RNF6: variants seen among roughly 807,000 people sequenced by gnomAD.
RNF6 encodes ring finger protein 6, also known as E3 ubiquitin-protein ligase RNF6.
A neutral mutation model predicts 50.1 loss-of-function variants in RNF6; 21 were observed. That is an observed-to-expected ratio of 0.42 (90% CI 0.30 to 0.60). The LOEUF (loss-of-function observed/expected upper bound fraction) is 0.60, where lower values mean the gene tolerates loss of function less well. Among genes scored for constraint, RNF6 ranks in the 20% least tolerant of loss-of-function variants. RNF6 has a pLI of 0.20. For missense variants in RNF6, 698 were observed against 838.2 expected, an observed-to-expected ratio of 0.83 and a Z score of 2.07; for synonymous variants, 255 against 291.8, an observed-to-expected ratio of 0.87 and a Z score of 1.29.
intron 5 of RNF6, among the ~76,000 whole-genome samples, chr13:26,187,256 T>C (rs1873597705): frequency 6.6e-6 from 1 of 151,884 alleles, no homozygotes; most frequent in Non-Finnish European, 1.5e-5. Context: ...GGGAACCTGA[T>C]AGGAGACGAA....
At chr13:26,203,907 C>G (rs1333894982) in intron 5 of RNF6, among the ~76,000 whole-genome samples, 1 of 151,986 alleles carries the variant, frequency 6.6e-6, no homozygotes, top group Non-Finnish European at 1.5e-5. Flanking sequence ...GAGCCCAGAT[C>G]GCGCCACTGC....
chr13:26,144,852 C>A (rs186473244), intron 5 of RNF6: 1 of 152,208 alleles, frequency 6.6e-6, no homozygotes, highest in African/African-American at 2.4e-5. Context: ...TGCTTCAGGG[C>A]CTGCTTGGCC....
At chr13:26,171,946 C>T (rs905990636) in intron 5 of RNF6, among the ~76,000 whole-genome samples, 1 of 152,064 alleles carries the variant, frequency 6.6e-6, no homozygotes, top group African/African-American at 2.4e-5. Flanking sequence ...TGCAAAGTTT[C>T]TGTTTGGGAT....
At chr13:26,161,712 C>A (rs1872222814) in intron 5 of RNF6, among the ~76,000 whole-genome samples, 1 of 152,128 alleles carries the variant, frequency 6.6e-6, no homozygotes, top group South Asian at 2.1e-4. Flanking sequence ...TATGTTTGAG[C>A]AGTTTGTGTT....
At chr13:26,141,638 C>G (rs1566404575) in intron 5 of RNF6, among the ~76,000 whole-genome samples, 1 of 152,026 alleles carries the variant, frequency 6.6e-6, no homozygotes, top group African/African-American at 2.4e-5. Flanking sequence ...GGAAAGAACT[C>G]TCTATTCAGT....
At chr13:26,182,021 A>T (rs1873267162) in intron 5 of RNF6, among the ~76,000 whole-genome samples, 4 of 152,302 alleles carry the variant, frequency 2.6e-5, no homozygotes, top group South Asian at 2.1e-4. Context: ...CCATATTTCT[A>T]AAAAAATCTT....
intron 2 of RNF6, 78 bp from the exon 3 acceptor site, chr13:26,219,745 T>A (rs753402677): frequency 8.5e-6 from 11 of 1,297,086 alleles, no homozygotes; most frequent in African/African-American, 1.5e-5. Context: ...ACTTGCAGTT[T>A]TTCTTAATTT....
At position 26,143,944 on chromosome 13, in the gene RNF6, G is replaced by T. The variant is rs974585933; in HGVS notation, n.769-11493C>A. Among the ~76,000 whole-genome samples the T allele has an allele frequency of 2.6e-5, 4 of 152,310 alleles. No homozygotes were observed. In the South Asian group the frequency reaches 6.2e-4, roughly 24 times the overall value. Reference sequence around the variant, plus strand: ...AGATGGTAGTTTTGGCAGAAGCATTGTTTACAGAGAAGGCAAAGCCATGTC... The same window carrying T: ...AGATGGTAGTTTTGGCAGAAGCATTTTTTACAGAGAAGGCAAAGCCATGTC... On this transcript the variant is annotated intron_variant and non_coding_transcript_variant, in intron 5 of 5. Transcript: ENST00000468480.
chr13:26,142,128 T>A (rs1206991689), intron 5 of RNF6, among the ~76,000 whole-genome samples: 1 of 152,048 alleles, frequency 6.6e-6, no homozygotes, highest in African/African-American at 2.4e-5. Flanking sequence ...ATATAAAAAA[T>A]ACTCAACATC....
chr13:26,168,306 T>C (rs1338171587), intron 5 of RNF6, among the ~76,000 whole-genome samples: 1 of 152,172 alleles, frequency 6.6e-6, no homozygotes, highest in Non-Finnish European at 1.5e-5. Flanking sequence ...TGAACAGGAA[T>C]AAGTGAGAGC....
At chr13:26,172,380 C>T (rs915223930) in intron 5 of RNF6, among the ~76,000 whole-genome samples, 6 of 152,074 alleles carry the variant, frequency 3.9e-5, no homozygotes, top group African/African-American at 7.2e-5. Context: ...CAAAAGAAAA[C>T]ATTGGTGACA....
intron 3 of RNF6, 171 bp downstream of exon 3, chr13:26,219,286 A>G (rs944759016): frequency 1.8e-6 from 1 of 554,034 alleles, no homozygotes; most frequent in Non-Finnish European, 3.1e-6. Context: ...TAAAATACAG[A>G]AGCCAGTGAT....
downstream of RNF6, among the ~76,000 whole-genome samples, chr13:26,208,105 G>A (rs529261584): frequency 1.3e-5 from 2 of 152,334 alleles, no homozygotes; most frequent in South Asian, 4.1e-4. Flanking sequence ...GGTGTGTGCA[G>A]AAAAGAATTT....
chr13:26,152,729 C>T (rs1408334658), intron 5 of RNF6, among the ~76,000 whole-genome samples: 3 of 152,158 alleles, frequency 2.0e-5, no homozygotes, highest in African/African-American at 7.2e-5. Context: ...TGATTTTAAA[C>T]TTCCTGGGAG....
intron 5 of RNF6, among the ~76,000 whole-genome samples, chr13:26,148,817 C>G (rs1871403494): frequency 6.6e-6 from 1 of 151,046 alleles, no homozygotes; most frequent in African/African-American, 2.4e-5. Flanking sequence ...CTCAGGAAAG[C>G]TAATGATGTA....
chr13:26,132,881 C>G (rs1257023479), intron 5 of RNF6, among the ~76,000 whole-genome samples: 3 of 152,096 alleles, frequency 2.0e-5, no homozygotes, highest in East Asian at 1.9e-4. Flanking sequence ...AATACAGATT[C>G]CTGGGATCCA....
Position 26,218,670 on chromosome 13 carries a change from G to A in RNF6, c.194-64C>T. ...TTAAGTTTTATGAGACCTCATGAAG[G>A]GTAAGACTAATCTTTAGTAACCTAT... On this transcript the variant is annotated intron_variant, in intron 3 of 4. Coordinates refer to ENST00000381588, the MANE Select transcript of RNF6 (RefSeq NM_005977.4). 2.4e-6 allele frequency: 3 copies of A among 1,227,236 alleles called. No homozygotes were observed. The South Asian group carries it at 3.6e-5, about 15-fold the overall frequency. 76.0% of individuals were successfully genotyped at this position (1,227,236 alleles called of 1,614,324 possible).
At chr13:26,210,900 G>A (rs1159152167), downstream of RNF6, among the ~76,000 whole-genome samples, 3 of 152,224 alleles carry the variant, frequency 2.0e-5, no homozygotes, top group East Asian at 5.8e-4. Context: ...AGAGAAAACA[G>A]GGTAAAAGGC....
At chr13:26,211,783 A>ATAAAAG (rs1388889362), downstream of RNF6, among the ~76,000 whole-genome samples, 4 of 152,116 alleles carry the variant, frequency 2.6e-5, no homozygotes, top group Non-Finnish European at 4.4e-5. Flanking sequence ...AAAAATAAAA[A>ATAAAAG]TGCTGGATTT....
Sources: gnomAD v4.1 joint callset for allele counts (sites outside exome capture counted in the v4.1 genomes callset) on GRCh38, gnomAD v4.1.1 for gene constraint, MANE v1.5 for transcripts, NCBI Gene and HGNC (gene_info 2026-07-23, HGNC 2026-07-21) for gene names.